HSPA12A: variants seen among roughly 807,000 people sequenced by gnomAD.
The protein encoded by HSPA12A is heat shock protein family A (Hsp70) member 12A.
Under a neutral mutation model 69.2 loss-of-function variants are expected in HSPA12A, and 28 were observed. The ratio of observed to expected loss-of-function variants is 0.40; its 90% CI spans 0.30 to 0.55. The LOEUF is 0.55. Among genes scored for constraint, HSPA12A ranks in the 20% least tolerant of loss-of-function variants. HSPA12A has a pLI of 0.38. For synonymous variants in HSPA12A, 345 were observed against 370.5 expected (o/e 0.93, Z 0.79); for missense variants, 686 against 900.7 (o/e 0.76, Z 3.05).
chr10:116,716,071 C>T (rs1479636517), intron 1 of HSPA12A, among the ~76,000 whole-genome samples: 3 of 151,320 alleles, frequency 2.0e-5, no homozygotes, highest in Non-Finnish European at 4.4e-5. Flanking sequence ...AGCCAGATCT[C>T]AGGTACAGGG....
upstream of HSPA12A, among the ~76,000 whole-genome samples, chr10:116,745,838 A>G (rs1851635427): frequency 6.6e-6 from 1 of 152,070 alleles, no homozygotes; most frequent in East Asian, 1.9e-4. Context: ...ACTTATCACA[A>G]CAACTCCAAG....
intron 2 of HSPA12A, among the ~76,000 whole-genome samples, chr10:116,807,690 G>A (rs1845094764): frequency 6.6e-6 from 1 of 152,202 alleles, no homozygotes; most frequent in Non-Finnish European, 1.5e-5. Context: ...GCTCACAGAG[G>A]TGAACTGTCA....
At chr10:116,836,018 T>G (rs1845702964) in intron 1 of HSPA12A, among the ~76,000 whole-genome samples, 1 of 152,078 alleles carries the variant, frequency 6.6e-6, no homozygotes, top group African/African-American at 2.4e-5. Context: ...GATGGGGCAT[T>G]TAGTGCTTTT....
intron 1 of HSPA12A, among the ~76,000 whole-genome samples, chr10:116,732,164 C>G (rs1851171458): frequency 6.6e-6 from 1 of 151,856 alleles, no homozygotes; most frequent in Non-Finnish European, 1.5e-5. Flanking sequence ...AACGCCGTCT[C>G]TACTAAAACT....
In HSPA12A at chr10:116,766,569, AG is replaced by A. The variant is rs1844081707; in HGVS notation, c.92-59285del. 2.0e-5 allele frequency among the ~76,000 whole-genome samples: 3 copies of A among 152,256 alleles called. No individual in the cohort carries two copies. In the South Asian group the frequency reaches 6.2e-4, roughly 32 times the overall value. Reference sequence around the variant, plus strand: ...AGAGACTGCCTGGTCCCCTTCTTGGAGGCATTCAGAAGAAAGTTCATTGCTC... The same window carrying A: ...AGAGACTGCCTGGTCCCCTTCTTGGAGCATTCAGAAGAAAGTTCATTGCTC... On this transcript the variant is annotated intron_variant, in intron 2 of 12. Transcript: ENST00000635765.
intron 2 of HSPA12A, among the ~76,000 whole-genome samples, chr10:116,813,778 G>A (rs1845245066): frequency 6.6e-6 from 1 of 152,060 alleles, no homozygotes; most frequent in Admixed American, 6.6e-5. Context: ...CAGCTACTTG[G>A]GAGGCTGAGG....
intron 1 of HSPA12A, among the ~76,000 whole-genome samples, chr10:116,709,925 A>G (rs1850374001): frequency 6.6e-6 from 1 of 152,224 alleles, no homozygotes; most frequent in South Asian, 2.1e-4. Context: ...AGGGGAAGCT[A>G]TTTCTGATTT....
Position 116,675,238 on chromosome 10 carries a change from T to G in HSPA12A, c.1571A>C (p.Asp524Ala). 1 of 1,613,438 alleles carries G rather than the reference T, an allele frequency of 6.2e-7. No homozygotes were observed. The highest frequency in any genetic ancestry group is 8.5e-7 in the Non-Finnish European group (1 of 1,179,988). Residue 524 changes from aspartate to alanine, a missense_variant, in exon 12 of 12, where the codon GAC becomes GCC. Asp to Ala is a moderately radical substitution (Grantham distance 126). Coordinates refer to ENST00000369209, the MANE Select transcript of HSPA12A (RefSeq NM_025015.3). This position sits in a 1 kb window ranked among gnomAD's most constrained non-coding sequence, Gnocchi z 5.2. ...CCGGCGCACCTTGATGACCGCGGGG[T>G]CCAGGCCAAAGAGGACGGCACCCTT... ...ILKGAVLFGLDPAVIKVRRSP... is the reference protein window; with the variant it reads ...ILKGAVLFGLAPAVIKVRRSP...
rs553642923 is a variant in HSPA12A, at chr10:116,697,634, C to A, written c.546+1001G>T. The stretch of plus-strand genomic sequence containing the variant: ...ATCTTGGAAAGATTAAGTACCTTGA[C>A]CAAAATGGCACAGCTGCTAAGTATG... On this transcript the variant is annotated intron_variant, in intron 5 of 11. Transcript: ENST00000369209. Among the ~76,000 whole-genome samples the A allele has an allele frequency of 8.5e-4, 130 of 152,300 alleles. 1 individual carries two copies. In the South Asian group the frequency reaches 0.011, roughly 13 times the overall value.
intron 1 of HSPA12A, among the ~76,000 whole-genome samples, chr10:116,719,951 C>G (rs1301505698): frequency 5.3e-4 from 80 of 152,094 alleles, no homozygotes; most frequent in Admixed American, 5.2e-3. Flanking sequence ...CAGCAAAGAG[C>G]AGTGAAAAAG....
intron 2 of HSPA12A, among the ~76,000 whole-genome samples, chr10:116,756,129 G>A (rs1554888752): frequency 6.6e-6 from 1 of 152,158 alleles, no homozygotes; most frequent in Admixed American, 6.5e-5. Flanking sequence ...GGATAATGAG[G>A]GAGGCTTTGC....
chr10:116,797,888 G>C (rs149632923), intron 2 of HSPA12A, among the ~76,000 whole-genome samples: 3 of 152,140 alleles, frequency 2.0e-5, no homozygotes, highest in African/African-American at 7.2e-5. Flanking sequence ...GGTGGGGAAG[G>C]CTTCCCAGAG....
chr10:116,708,594 A>C (rs1315048491), intron 1 of HSPA12A, among the ~76,000 whole-genome samples: 2 of 152,120 alleles, frequency 1.3e-5, no homozygotes, highest in Non-Finnish European at 2.9e-5. Flanking sequence ...GAAGCCTCAA[A>C]TCTGCACAGC....
intron 2 of HSPA12A, among the ~76,000 whole-genome samples, chr10:116,813,378 T>G (rs1845233932): frequency 6.7e-6 from 1 of 149,456 alleles, no homozygotes; most frequent in Non-Finnish European, 1.5e-5. Flanking sequence ...CCCAAGTAGC[T>G]GGGGACTACA....
chr10:116,743,705 G>A (rs1398041406), upstream of HSPA12A, among the ~76,000 whole-genome samples: 1 of 150,506 alleles, frequency 6.6e-6, no homozygotes, highest in East Asian at 1.9e-4. Flanking sequence ...GAGCTGCTGC[G>A]AGAGCGTTAT....
chr10:116,806,128 A>T (rs562115226), intron 2 of HSPA12A, among the ~76,000 whole-genome samples: 1 of 152,298 alleles, frequency 6.6e-6, no homozygotes, highest in South Asian at 2.1e-4. Flanking sequence ...GCACAAAGTT[A>T]CCAGAGAGAT....
rs1483520811 is a variant in HSPA12A at position 116,737,347 on chromosome 10, C to T, written c.40+5083G>A. ...CTCTCATTTCATTCTCACAGCACCC[C>T]AGTAGAGCAGAGATTATTAATCGTC... On this transcript the variant is annotated intron_variant, in intron 1 of 11. Transcript: ENST00000369209. Among the ~76,000 whole-genome samples the T allele has an allele frequency of 3.9e-5, 6 of 152,262 alleles. No individual in the cohort carries two copies. In the South Asian group the frequency reaches 1.0e-3, roughly 26 times the overall value.
At chr10:116,838,303 T>C (rs1589734518) in intron 1 of HSPA12A, among the ~76,000 whole-genome samples, 1 of 151,950 alleles carries the variant, frequency 6.6e-6, no homozygotes, top group African/African-American at 2.4e-5. Context: ...TGGCATTCTG[T>C]GTGGGAGGGA....
chr10:116,834,968 T>C (rs921620947), exon 2 of HSPA12A: 2 of 1,231,706 alleles, frequency 1.6e-6, no homozygotes, highest in Non-Finnish European at 2.0e-6. Flanking sequence ...GAATCACACT[T>C]CATTTTGTTC....
Sources: allele counts gnomAD v4.1 joint callset (sites outside exome capture counted in the v4.1 genomes callset), GRCh38; gene constraint gnomAD v4.1.1; non-coding constraint Gnocchi (gnomAD v3.1); transcripts MANE v1.5; gene names NCBI Gene and HGNC (gene_info 2026-07-23, HGNC 2026-07-21).